Variants in TP63 observed in about 807,000 individuals in gnomAD.
TP63 encodes the protein tumor protein p63, also known as tumor protein 63.
In TP63, 17 loss-of-function variants were observed where a neutral mutation model predicts 82.8. That is an observed-to-expected ratio of 0.21 (90% CI 0.14 to 0.31). TP63 has a LOEUF of 0.31. Among genes scored for constraint, TP63 ranks in the 10% least tolerant of loss-of-function variants. The pLI is 1.00. For synonymous variants in TP63, 330 were observed against 321.7 expected, an observed-to-expected ratio of 1.03 and a Z score of -0.28; for missense variants, 648 against 895.3, an observed-to-expected ratio of 0.72 and a Z score of 3.52.
intron 1 of TP63, among the ~76,000 whole-genome samples, chr3:189,734,852 C>G (rs1190734003): frequency 6.6e-6 from 1 of 152,184 alleles, no homozygotes. Context: ...TCCAGGATTT[C>G]TTACCATGCC....
chr3:189,628,279 A>G (rs1729364006), upstream of TP63, among the ~76,000 whole-genome samples: 3 of 152,208 alleles, frequency 2.0e-5, no homozygotes, highest in Non-Finnish European at 4.4e-5. Context: ...GTTTTAAAAC[A>G]TTCCTGGTGG....
chr3:189,868,749 T>C, intron 8 of TP63, 33 bp downstream of exon 8: 1 of 1,613,454 alleles, frequency 6.2e-7, no homozygotes, highest in Non-Finnish European at 8.5e-7. Flanking sequence ...TGGGGTAGGG[T>C]TGAATCTTCT....
chr3:189,696,526 G>A (rs562485048), intron 1 of TP63, among the ~76,000 whole-genome samples: 19 of 152,178 alleles, frequency 1.2e-4, no homozygotes, highest in East Asian at 1.9e-4. Context: ...GTGTTTTTGC[G>A]TAGATGTAAG....
At chr3:189,673,329 TAGAGA>T (rs1382253028) in intron 1 of TP63, among the ~76,000 whole-genome samples, 7 of 152,124 alleles carry the variant, frequency 4.6e-5, no homozygotes, top group African/African-American at 1.7e-4. Context: ...TTCTTAAGAT[TAGAGA>T]AAAGGGAAAG....
chr3:189,788,834 G>A (rs558034751), intron 3 of TP63, among the ~76,000 whole-genome samples: 10 of 151,288 alleles, frequency 6.6e-5, no homozygotes, highest in South Asian at 2.1e-4. Context: ...GATGCATCAC[G>A]TGCAGTAATC....
chr3:189,860,217 AT>A (rs1192090852), intron 4 of TP63, among the ~76,000 whole-genome samples: 1 of 152,172 alleles, frequency 6.6e-6, no homozygotes, highest in Non-Finnish European at 1.5e-5. Context: ...TTAGACGTGA[AT>A]TTTTTAAATT....
the TP63 span, among the ~76,000 whole-genome samples, chr3:189,602,247 C>T: frequency 2.0e-5 from 3 of 152,102 alleles, no homozygotes; most frequent in Non-Finnish European, 2.9e-5. Flanking sequence ...GGAGGGAGAG[C>T]GTGTAGAAAA....
At chr3:189,682,019 G>A (rs1475646208) in intron 1 of TP63, among the ~76,000 whole-genome samples, 2 of 152,162 alleles carry the variant, frequency 1.3e-5, no homozygotes, top group Non-Finnish European at 2.9e-5. Context: ...GATCACCTGA[G>A]AACAGGAGTC....
At chr3:189,697,592 C>T (rs1294066078) in intron 1 of TP63, among the ~76,000 whole-genome samples, 1 of 151,830 alleles carries the variant, frequency 6.6e-6, no homozygotes. Flanking sequence ...AAATAAATAA[C>T]CTTCCAGGAT....
chr3:189,839,058 A>G (rs952072173), intron 4 of TP63, among the ~76,000 whole-genome samples: 12 of 149,516 alleles, frequency 8.0e-5, no homozygotes, highest in East Asian at 1.9e-4. Flanking sequence ...AAAAAAAAAA[A>G]AAAAAAGAAA....
chr3:189,733,699 A>T (rs1402192669), intron 1 of TP63, among the ~76,000 whole-genome samples: 1 of 152,186 alleles, frequency 6.6e-6, no homozygotes, highest in Non-Finnish European at 1.5e-5. Flanking sequence ...TCTGAAGACA[A>T]ATTTTAGTGT....
chr3:189,749,434 A>G (rs1721630081), intron 3 of TP63, among the ~76,000 whole-genome samples: 1 of 152,226 alleles, frequency 6.6e-6, no homozygotes, highest in Middle Eastern at 3.2e-3. Flanking sequence ...CAATAACTAT[A>G]TGAAAATGTC....
intron 1 of TP63, among the ~76,000 whole-genome samples, chr3:189,735,800 A>G (rs1164781374): frequency 6.6e-6 from 1 of 152,178 alleles, no homozygotes; most frequent in East Asian, 1.9e-4. Context: ...TGATAGATAC[A>G]CTACTCCACA....
chr3:189,789,920 C>G, intron 3 of TP63: 1 of 1,348,638 alleles, frequency 7.4e-7, no homozygotes, highest in Non-Finnish European at 9.8e-7. Context: ...TACGTATTTG[C>G]GGTTCTCGGT....
chr3:189,699,832 T>C (rs1035133022), intron 1 of TP63, among the ~76,000 whole-genome samples: 8 of 152,236 alleles, frequency 5.3e-5, no homozygotes, highest in African/African-American at 1.9e-4. Flanking sequence ...ATTCTTCATA[T>C]TTTAAATTTC....
At chr3:189,738,565 CTTG>C in intron 2 of TP63, 74 bp from the exon 3 acceptor site, 3 of 1,605,206 alleles carry the variant, frequency 1.9e-6, no homozygotes, top group Admixed American at 1.7e-5. Flanking sequence ...GCAGAAAATG[CTTG>C]TTGTTAACAA....
In TP63 at chr3:189,647,225, G is replaced by A. The variant is rs145329456; in HGVS notation, c.62+15648G>A. Among the ~76,000 whole-genome samples, 261 of 146,996 alleles carry A rather than the reference G, an allele frequency of 1.8e-3. 24 individuals are homozygous for A. The highest frequency in any genetic ancestry group is 0.01 in the Middle Eastern group (3 of 286). Reference sequence around the variant, plus strand: ...GCTATAAGTAGATAGCAACACGAATGCTGATGAGGTCCTTCAGTTTAAGAC... The same window carrying A: ...GCTATAAGTAGATAGCAACACGAATACTGATGAGGTCCTTCAGTTTAAGAC... On this transcript the variant is annotated intron_variant, in intron 1 of 13. Coordinates refer to ENST00000264731, the MANE Select transcript of TP63 (RefSeq NM_003722.5).
chr3:189,897,175 C>A lies in TP63; in HGVS notation c.*2673C>A, dbSNP rs1721537485. 9.1e-6 allele frequency: 2 copies of A among 218,972 alleles called. No individual in the cohort carries two copies. Among genetic ancestry groups the A allele is most frequent in the Non-Finnish European group, 1.8e-5 (2 of 108,886 alleles). The allele number at this position is 218,972 out of a possible 1,614,324, so 13.6% of individuals were successfully genotyped here. A position where few individuals can be genotyped will look rare whatever the true frequency, so the allele number is the denominator to read the frequency against. On this transcript the variant is annotated 3_prime_UTR_variant, in exon 14 of 14. Transcript: ENST00000264731. ...TCAGTTGCTTGTCTTCTGGTACTTT[C>A]TGTTATGGGCTTTTGGGGAGCCAGA...
chr3:189,605,967 G>A, the TP63 span, among the ~76,000 whole-genome samples: 1 of 152,074 alleles, frequency 6.6e-6, no homozygotes, highest in East Asian at 1.9e-4. Context: ...CAACTACCGG[G>A]ATATCTTCCT....
Sources: allele counts gnomAD v4.1 joint callset (sites outside exome capture counted in the v4.1 genomes callset), GRCh38; gene constraint gnomAD v4.1.1; transcripts MANE v1.5; gene names NCBI Gene and HGNC (gene_info 2026-07-23, HGNC 2026-07-21).